Variants in TRAPPC3L observed in about 807,000 individuals in gnomAD.
TRAPPC3L encodes trafficking protein particle complex subunit 3-like protein.
A neutral mutation model predicts 23.7 loss-of-function variants in TRAPPC3L; 23 were observed. The observed-to-expected ratio is 0.97, with a 90% CI of 0.70 to 1.37. The LOEUF (loss-of-function observed/expected upper bound fraction) is 1.37, where lower values mean the gene tolerates loss of function less well. Among genes scored for constraint, TRAPPC3L ranks in the 40% most tolerant of loss-of-function variants. The pLI is 0.00. For missense variants in TRAPPC3L, 212 were observed against 216.8 expected, an observed-to-expected ratio of 0.98 and a Z score of 0.14; for synonymous variants, 81 against 77.9, an observed-to-expected ratio of 1.04 and a Z score of -0.21.
chr6:116,545,647 G>T lies in TRAPPC3L; in HGVS notation c.-133C>A. On this transcript the variant is annotated 5_prime_UTR_variant, in exon 1 of 5. Transcript: ENST00000368602. Reference sequence around the variant, plus strand: ...GCTTTGAGACAGGAGTGCTGCTTCTGCACTCTGCTGCTTTTGCTCTTTGCT... The same window carrying T: ...GCTTTGAGACAGGAGTGCTGCTTCTTCACTCTGCTGCTTTTGCTCTTTGCT... 1 of 650,974 alleles carries T rather than the reference G, an allele frequency of 1.5e-6. No homozygotes were observed. Among genetic ancestry groups the T allele is most frequent in the Non-Finnish European group, 2.5e-6 (1 of 401,694 alleles). 40.3% of individuals were successfully genotyped at this position (650,974 alleles called of 1,614,324 possible).
At chr6:116,514,696 T>C (rs926493441) in intron 3 of TRAPPC3L, among the ~76,000 whole-genome samples, 2 of 152,222 alleles carry the variant, frequency 1.3e-5, no homozygotes, top group Admixed American at 1.3e-4. Context: ...AAACACTCTA[T>C]ATCTGAGTCA....
intron 4 of TRAPPC3L, among the ~76,000 whole-genome samples, chr6:116,498,276 T>C (rs1257565157): frequency 6.6e-6 from 1 of 152,196 alleles, no homozygotes; most frequent in Non-Finnish European, 1.5e-5. Flanking sequence ...GTTTTTCCCT[T>C]TGCCCATAAA....
Position 116,502,778 on chromosome 6 carries a change from C to G in TRAPPC3L, c.241-2112G>C, listed in dbSNP as rs186893980. ...GAATTGCATATCCAGCCAAATGAAG[C>G]TTCATAAGTGAAGGAGAAATAAAAT... On this transcript the variant is annotated intron_variant, in intron 3 of 4. Transcript: ENST00000368602. 1.1e-4 allele frequency among the ~76,000 whole-genome samples: 17 copies of G among 152,300 alleles called. No individual in the cohort carries two copies. In the East Asian group the frequency reaches 3.3e-3, roughly 29 times the overall value.
At chr6:116,498,578 CTG>C (rs1445393161) in intron 4 of TRAPPC3L, among the ~76,000 whole-genome samples, 1 of 152,220 alleles carries the variant, frequency 6.6e-6, no homozygotes, top group Admixed American at 6.5e-5. Flanking sequence ...ACTTTGTTGA[CTG>C]TTACCTCTTC....
chr6:116,508,474 T>C (rs1772045652), intron 3 of TRAPPC3L, among the ~76,000 whole-genome samples: 1 of 152,168 alleles, frequency 6.6e-6, no homozygotes, highest in Admixed American at 6.5e-5. Flanking sequence ...ATTTCAGTTT[T>C]AGAAGGATCC....
intron 4 of TRAPPC3L, 97 bp from the exon 5 acceptor site, chr6:116,497,170 G>A: frequency 7.0e-7 from 1 of 1,431,024 alleles, no homozygotes. Flanking sequence ...CTTTCCTTAA[G>A]AAATGATTTT....
chr6:116,528,176 ATAT>A (rs1772504388), intron 3 of TRAPPC3L, among the ~76,000 whole-genome samples: 2 of 152,372 alleles, frequency 1.3e-5, no homozygotes, highest in East Asian at 3.9e-4. Context: ...AGAAAAAATA[ATAT>A]TATGCAAATG....
At chr6:116,501,137 A>G (rs1019432148) in intron 3 of TRAPPC3L, among the ~76,000 whole-genome samples, 2 of 152,190 alleles carry the variant, frequency 1.3e-5, no homozygotes, top group African/African-American at 4.8e-5. Flanking sequence ...CTTCTGCCCA[A>G]ATACTGAGCT....
chr6:116,526,350 T>C (rs1453656290), intron 3 of TRAPPC3L, among the ~76,000 whole-genome samples: 1 of 152,212 alleles, frequency 6.6e-6, no homozygotes. Flanking sequence ...TCTGGAGGCG[T>C]GGCAGCCTTA....
intron 3 of TRAPPC3L, among the ~76,000 whole-genome samples, chr6:116,501,847 C>T (rs1459784728): frequency 6.6e-6 from 1 of 152,152 alleles, no homozygotes; most frequent in Non-Finnish European, 1.5e-5. Flanking sequence ...AAAAGGACAT[C>T]CACACCAAAC....
At chr6:116,511,330 CT>C (rs1267073721) in intron 3 of TRAPPC3L, among the ~76,000 whole-genome samples, 3 of 150,660 alleles carry the variant, frequency 2.0e-5, no homozygotes, top group African/African-American at 7.5e-5. Context: ...GCTGAAACCT[CT>C]TTCTGTTAAT....
chr6:116,511,667 C>A, intron 3 of TRAPPC3L: 2 of 1,597,480 alleles, frequency 1.3e-6, no homozygotes. Context: ...ATAACAAAGG[C>A]ACAGCATTTT....
chr6:116,540,267 C>T, intron 3 of TRAPPC3L, 96 bp downstream of exon 3: 2 of 1,123,962 alleles, frequency 1.8e-6, no homozygotes, highest in Non-Finnish European at 2.5e-6. Context: ...ACAATGAATG[C>T]AGATGGAACC....
chr6:116,508,740 A>C (rs1772051654), intron 3 of TRAPPC3L, among the ~76,000 whole-genome samples: 2 of 152,164 alleles, frequency 1.3e-5, no homozygotes, highest in South Asian at 4.1e-4. Context: ...AAAGGGGGAA[A>C]GTTGAAGGCA....
intron 1 of TRAPPC3L, among the ~76,000 whole-genome samples, chr6:116,544,190 G>T (rs2115252546): frequency 9.5e-6 from 1 of 105,164 alleles, no homozygotes; most frequent in South Asian, 2.8e-4. Flanking sequence ...AGAATGATGA[G>T]ATTGTTGTGA....
chr6:116,497,529 T>C (rs1361833208), intron 4 of TRAPPC3L, among the ~76,000 whole-genome samples: 2 of 152,216 alleles, frequency 1.3e-5, no homozygotes, highest in South Asian at 2.1e-4. Context: ...CCTAACAACA[T>C]TTAGCAGTCA....
At chr6:116,519,942 G>A (rs1376058364) in intron 3 of TRAPPC3L, 4 of 125,702 alleles carry the variant, frequency 3.2e-5, no homozygotes, top group African/African-American at 1.0e-4. Flanking sequence ...ATATAAAGTG[G>A]GAGAAAAAAA....
intron 3 of TRAPPC3L, among the ~76,000 whole-genome samples, chr6:116,501,637 G>C (rs1206728059): frequency 6.6e-6 from 1 of 152,164 alleles, no homozygotes; most frequent in African/African-American, 2.4e-5. Flanking sequence ...ACCTCATACA[G>C]GCAGGTGCCC....
intron 3 of TRAPPC3L, among the ~76,000 whole-genome samples, chr6:116,509,601 G>A (rs1772071481): frequency 6.6e-6 from 1 of 152,160 alleles, no homozygotes; most frequent in Admixed American, 6.6e-5. Flanking sequence ...ATTAAAAGGT[G>A]CTTGGAAAAC....
Sources: gnomAD v4.1 joint callset for allele counts (sites outside exome capture counted in the v4.1 genomes callset) on GRCh38, gnomAD v4.1.1 for gene constraint, MANE v1.5 for transcripts, NCBI Gene and HGNC (gene_info 2026-07-23, HGNC 2026-07-21) for gene names.